The following MCC variants were observed in gnomAD, a reference collection of about 807,000 sequenced individuals.
The protein encoded by MCC is colorectal mutant cancer protein.
In MCC, 90 loss-of-function variants were observed where a neutral mutation model predicts 116.2. The observed-to-expected ratio is 0.77, with a 90% CI of 0.65 to 0.92. The LOEUF is 0.92. MCC is among the 40% of genes least tolerant of loss of function. MCC has a pLI of 0.00. For missense variants in MCC, 1,516 were observed against 1,312.2 expected (o/e 1.16, Z -2.40); for synonymous variants, 578 against 510.5 (o/e 1.13, Z -1.78).
intron 3 of MCC, among the ~76,000 whole-genome samples, chr5:113,293,993 GA>G (rs1400435882): frequency 6.6e-6 from 1 of 152,188 alleles, no homozygotes; most frequent in African/African-American, 2.4e-5. Flanking sequence ...ACCGATCAGG[GA>G]AATAAAAGGG....
intron 1 of MCC, among the ~76,000 whole-genome samples, chr5:113,451,040 A>T (rs1288886396): frequency 6.6e-6 from 1 of 151,666 alleles, no homozygotes; most frequent in Admixed American, 6.6e-5. Context: ...CCTTTTCCAC[A>T]ATTGCATTTT....
At chr5:113,379,291 T>C (rs995071414) in intron 2 of MCC, among the ~76,000 whole-genome samples, 23 of 152,236 alleles carry the variant, frequency 1.5e-4, no homozygotes, top group Non-Finnish European at 1.5e-5. Flanking sequence ...AGTTTCCTCC[T>C]GTATAGAAGG....
intron 1 of MCC, among the ~76,000 whole-genome samples, chr5:113,415,816 C>A (rs1370166216): frequency 6.6e-6 from 1 of 152,288 alleles, no homozygotes; most frequent in Non-Finnish European, 1.5e-5. Flanking sequence ...CCATTGCTGG[C>A]GAGGAGCTGT....
Position 113,432,771 on chromosome 5 carries a change from A to C in MCC, c.171-47559T>G, listed in dbSNP as rs572501850. The C allele has an allele frequency of 2.6e-5, 4 of 152,386 alleles. 1 individual carries two copies. Among genetic ancestry groups the C allele is most frequent in the African/African-American group, 7.2e-5 (3 of 41,596 alleles). 9.4% of individuals were successfully genotyped at this position (152,386 alleles called of 1,614,324 possible). ...AAAAGTTGATAAGGAAAAAATAAAA[A>C]TAAAACATTTTCCTTTGTAAAATTT... On this transcript the variant is annotated intron_variant, in intron 1 of 18. Transcript: ENST00000408903.
chr5:113,346,400 C>A (rs1168895592), intron 2 of MCC, among the ~76,000 whole-genome samples: 3 of 152,004 alleles, frequency 2.0e-5, no homozygotes, highest in African/African-American at 7.2e-5. Flanking sequence ...AAGTTCAAGA[C>A]CAGCCTGGAC....
At chr5:113,144,907 C>G (rs1202920181) in intron 4 of MCC, among the ~76,000 whole-genome samples, 2 of 152,118 alleles carry the variant, frequency 1.3e-5, no homozygotes, top group African/African-American at 4.8e-5. Flanking sequence ...TAAGCGGGAA[C>G]AAAGGCAAGG....
chr5:113,413,862 G>T (rs530667150), intron 1 of MCC, among the ~76,000 whole-genome samples: 37 of 152,120 alleles, frequency 2.4e-4, no homozygotes, highest in African/African-American at 8.4e-4. Context: ...AATTGTGATG[G>T]TAGGGTGTCA....
Position 113,162,280 on chromosome 5 carries a change from T to C in MCC, c.628-10858A>G, listed in dbSNP as rs1004211480. ...AAAAACAGTTTCATGGTTAAGGACATAGGCTTTGTCAAAATGCAAAAACAA... is the reference window on the plus strand; with the variant it reads ...AAAAACAGTTTCATGGTTAAGGACACAGGCTTTGTCAAAATGCAAAAACAA... On this transcript the variant is annotated intron_variant, in intron 3 of 18. Transcript: ENST00000408903. Among the ~76,000 whole-genome samples the C allele has an allele frequency of 3.3e-5, 5 of 152,302 alleles. No homozygotes were observed. In the East Asian group the frequency reaches 9.6e-4, roughly 29 times the overall value.
chr5:113,141,638 A>C (rs1759188662), intron 5 of MCC, among the ~76,000 whole-genome samples: 1 of 152,174 alleles, frequency 6.6e-6, no homozygotes, highest in African/African-American at 2.4e-5. Flanking sequence ...CCCCTCGAGG[A>C]GGGGCCAGCT....
intron 3 of MCC, among the ~76,000 whole-genome samples, chr5:113,165,590 T>C (rs1004320657): frequency 5.3e-5 from 8 of 152,164 alleles, no homozygotes; most frequent in African/African-American, 1.9e-4. Flanking sequence ...AGGGACTCTG[T>C]GACACCCTTG....
At chr5:113,476,520 C>T (rs1422457544) in intron 1 of MCC, among the ~76,000 whole-genome samples, 1 of 152,196 alleles carries the variant, frequency 6.6e-6, no homozygotes, top group African/African-American at 2.4e-5. Flanking sequence ...CCTTTCTTCA[C>T]ACCATACACA....
chr5:113,060,767 G>A (rs1753160603), intron 14 of MCC, among the ~76,000 whole-genome samples: 1 of 152,200 alleles, frequency 6.6e-6, no homozygotes, highest in Non-Finnish European at 1.5e-5. Context: ...CAGGAGGACT[G>A]ATCATAATGC....
chr5:113,471,864 G>A (rs753399866), intron 1 of MCC, among the ~76,000 whole-genome samples: 78 of 152,130 alleles, frequency 5.1e-4, no homozygotes, highest in Non-Finnish European at 9.9e-4. Context: ...CAGTAATGGC[G>A]GGCGCCCCTC....
intron 1 of MCC, among the ~76,000 whole-genome samples, chr5:113,465,882 C>T (rs1426274231): frequency 3.9e-5 from 6 of 151,926 alleles, no homozygotes; most frequent in African/African-American, 9.7e-5. Context: ...AGAAAATGGG[C>T]ACTCTTATAG....
At chr5:113,466,903 G>T (rs199765057) in intron 1 of MCC, among the ~76,000 whole-genome samples, 1,767 of 124,068 alleles carry the variant, frequency 0.014, no homozygotes, top group South Asian at 0.021. Flanking sequence ...GTATCTCACT[G>T]TGGTTTTGAT....
chr5:113,089,630 G>A (rs547872984), intron 8 of MCC, among the ~76,000 whole-genome samples: 1 of 152,244 alleles, frequency 6.6e-6, no homozygotes, highest in Non-Finnish European at 1.5e-5. Flanking sequence ...TGCTATGGTA[G>A]CCTGGTGCCA....
intron 1 of MCC, among the ~76,000 whole-genome samples, chr5:113,408,388 C>G (rs1464453576): frequency 3.9e-5 from 6 of 152,072 alleles, no homozygotes; most frequent in African/African-American, 1.2e-4. Context: ...GGATCAAATA[C>G]GAGATCTTTT....
chr5:113,064,224 G>A (rs1753434196), intron 13 of MCC, 57 bp from the exon 14 acceptor site: 2 of 1,493,788 alleles, frequency 1.3e-6, no homozygotes, highest in Non-Finnish European at 1.8e-6. Flanking sequence ...AGGCACGCCT[G>A]GGAGGGACTA....
At chr5:113,264,621 G>A (rs1765349330) in intron 3 of MCC, among the ~76,000 whole-genome samples, 1 of 152,108 alleles carries the variant, frequency 6.6e-6, no homozygotes, top group African/African-American at 2.4e-5. Context: ...AAATTCACCT[G>A]CCATATGTTT....
Sources: gnomAD v4.1 joint callset for allele counts (sites outside exome capture counted in the v4.1 genomes callset) on GRCh38, gnomAD v4.1.1 for gene constraint, MANE v1.5 for transcripts, NCBI Gene and HGNC (gene_info 2026-07-23, HGNC 2026-07-21) for gene names.